The following GRIK1 variants were observed in gnomAD, a reference collection of about 807,000 sequenced individuals.
GRIK1 encodes glutamate receptor ionotropic, kainate 1.
Under a neutral mutation model 105.7 loss-of-function variants are expected in GRIK1, and 69 were observed. The observed-to-expected ratio is 0.65, with a 90% CI of 0.54 to 0.80. The LOEUF is 0.80. Among genes scored for constraint, GRIK1 ranks in the 30% least tolerant of loss-of-function variants. GRIK1 has a pLI of 0.00. For missense variants in GRIK1, 1,109 were observed against 1,167.3 expected, an observed-to-expected ratio of 0.95 and a Z score of 0.73; for synonymous variants, 438 against 431.3, an observed-to-expected ratio of 1.02 and a Z score of -0.19.
At chr21:29,546,180 C>T (rs185097043) in intron 16 of GRIK1, among the ~76,000 whole-genome samples, 1 of 152,328 alleles carries the variant, frequency 6.6e-6, no homozygotes, top group Non-Finnish European at 1.5e-5. Flanking sequence ...CTGTGTCTTT[C>T]CCGCTCTAAC....
At chr21:29,707,438 C>CCCTCCCTCCCTCCCTTCCTTCCTT (rs2063935735) in intron 1 of GRIK1, among the ~76,000 whole-genome samples, 1 of 1,814 alleles carries the variant, frequency 5.5e-4, no homozygotes, top group African/African-American at 9.6e-4. Flanking sequence ...CTTCCTCCCT[C>CCCTCCCTCCCTCCCTTCCTTCCTT]CCTCCCTCCC....
intron 1 of GRIK1, chr21:29,749,070 C>G (rs1054247079): frequency 2.6e-5 from 4 of 152,174 alleles, no homozygotes; most frequent in African/African-American, 9.6e-5. Context: ...GGCTCTCCTG[C>G]AACATCTTAG....
intron 16 of GRIK1, among the ~76,000 whole-genome samples, chr21:29,538,672 T>C (rs2089921155): frequency 6.6e-6 from 1 of 152,124 alleles, no homozygotes; most frequent in South Asian, 2.1e-4. Context: ...ATGGATATGG[T>C]TGAAAGTCAA....
rs78251532 is a variant in GRIK1 at position 29,815,318 on chromosome 21, CAT to C, written c.119-121257_119-121256del. Among the ~76,000 whole-genome samples, 444 of 152,274 alleles carry C rather than the reference CAT, an allele frequency of 2.9e-3. 5 individuals are homozygous for C. In the East Asian group the frequency reaches 0.029, roughly 10 times the overall value. ...TAACTTCTCCAAGTTTCAACTTTCT[CAT>C]GTGTGTATTAGAGATATTTGTAGTG... is the stretch of plus-strand genomic sequence containing the variant. On this transcript the variant is annotated intron_variant, in intron 1 of 17. Coordinates refer to ENST00000327783, the MANE Select transcript of GRIK1 (RefSeq NM_001330994.2).
chr21:29,857,407 C>T (rs111762815), intron 1 of GRIK1, among the ~76,000 whole-genome samples: 2,215 of 152,262 alleles, frequency 0.015, 58 homozygotes, highest in African/African-American at 0.05. Context: ...CATAGCTACA[C>T]GCCAAGTAAC....
chr21:29,762,666 A>C (rs1163251753), intron 1 of GRIK1, among the ~76,000 whole-genome samples: 1 of 152,192 alleles, frequency 6.6e-6, no homozygotes, highest in Non-Finnish European at 1.5e-5. Context: ...CTGTCTGTGC[A>C]TTAAGAATTC....
chr21:29,888,085 A>G (rs1204201509), intron 1 of GRIK1, among the ~76,000 whole-genome samples: 2 of 151,706 alleles, frequency 1.3e-5, no homozygotes, highest in Non-Finnish European at 2.9e-5. Context: ...AAGAACATCA[A>G]TGAGGGAGAA....
chr21:29,860,998 G>T (rs764795563), intron 1 of GRIK1, among the ~76,000 whole-genome samples: 7 of 146,652 alleles, frequency 4.8e-5, no homozygotes, highest in East Asian at 2.0e-4. Flanking sequence ...ATTTCATCTG[G>T]TTTTTTTTTT....
intron 1 of GRIK1, among the ~76,000 whole-genome samples, chr21:29,757,806 T>C (rs1312905028): frequency 6.6e-6 from 1 of 152,248 alleles, no homozygotes; most frequent in Non-Finnish European, 1.5e-5. Context: ...TCCTGGCCTC[T>C]ACCCATTAAT....
intron 1 of GRIK1, among the ~76,000 whole-genome samples, chr21:29,857,434 C>A (rs973858096): frequency 6.6e-6 from 1 of 152,098 alleles, no homozygotes; most frequent in Non-Finnish European, 1.5e-5. Flanking sequence ...ATGTTTCTTA[C>A]AACAATGCAT....
chr21:29,641,189 G>A (rs1452555043), intron 7 of GRIK1, among the ~76,000 whole-genome samples: 1 of 152,126 alleles, frequency 6.6e-6, no homozygotes, highest in African/African-American at 2.4e-5. Context: ...TATGGTTTTG[G>A]TGTGTCCCCA....
At chr21:29,612,476 C>G (rs1450494133) in intron 7 of GRIK1, among the ~76,000 whole-genome samples, 1 of 152,170 alleles carries the variant, frequency 6.6e-6, no homozygotes, top group African/African-American at 2.4e-5. Flanking sequence ...TCCTTTACCT[C>G]TAGTCACACA....
At chr21:29,796,088 A>G (rs1168211885) in intron 1 of GRIK1, among the ~76,000 whole-genome samples, 1 of 152,234 alleles carries the variant, frequency 6.6e-6, no homozygotes, top group East Asian at 1.9e-4. Flanking sequence ...GTTATTACAT[A>G]TTCAAAATTT....
chr21:29,618,257 A>G (rs890735830), intron 7 of GRIK1, among the ~76,000 whole-genome samples: 3 of 151,426 alleles, frequency 2.0e-5, no homozygotes, highest in African/African-American at 7.3e-5. Context: ...CTTTTGATTC[A>G]CTGAGGGCAG....
chr21:29,742,276 TTTAA>T (rs137959776), intron 1 of GRIK1, among the ~76,000 whole-genome samples: 5,540 of 152,284 alleles, frequency 0.036, 230 homozygotes, highest in East Asian at 0.099. Context: ...ACTGAGTGTC[TTTAA>T]TTGAGTCTCA....
intron 7 of GRIK1, among the ~76,000 whole-genome samples, chr21:29,605,182 A>G (rs1873095657): frequency 6.6e-6 from 1 of 152,080 alleles, no homozygotes; most frequent in Non-Finnish European, 1.5e-5. Flanking sequence ...TAAGCCCAGC[A>G]TCCATTAGCT....
chr21:29,632,119 T>A (rs765425612), intron 7 of GRIK1, among the ~76,000 whole-genome samples: 77 of 152,222 alleles, frequency 5.1e-4, no homozygotes, highest in Non-Finnish European at 1.0e-3. Context: ...GCTCCCTATT[T>A]TCTTTCAGAG....
intron 1 of GRIK1, among the ~76,000 whole-genome samples, chr21:29,780,565 T>G (rs916856580): frequency 6.6e-6 from 1 of 152,150 alleles, no homozygotes; most frequent in Non-Finnish European, 1.5e-5. Context: ...TTGCTAGGTA[T>G]CCCTGCCTGC....
intron 7 of GRIK1, among the ~76,000 whole-genome samples, chr21:29,631,835 A>T (rs2062280599): frequency 6.6e-6 from 1 of 152,244 alleles, no homozygotes; most frequent in African/African-American, 2.4e-5. Flanking sequence ...GCTACTAAAA[A>T]CTCTAATATA....
Sources: allele counts gnomAD v4.1 joint callset (sites outside exome capture counted in the v4.1 genomes callset), GRCh38; gene constraint gnomAD v4.1.1; transcripts MANE v1.5; gene names NCBI Gene and HGNC (gene_info 2026-07-23, HGNC 2026-07-21).